KCNB2: variants seen among roughly 807,000 people sequenced by gnomAD.
KCNB2 encodes the protein delayed rectifier potassium channel protein.
Under a neutral mutation model 61.5 loss-of-function variants are expected in KCNB2, and 15 were observed. The observed-to-expected ratio is 0.24, with a 90% confidence interval of 0.16 to 0.38. KCNB2 has a LOEUF of 0.38. Among genes scored for constraint, KCNB2 ranks in the 10% least tolerant of loss-of-function variants. KCNB2 has a pLI of 1.00. For missense variants in KCNB2, 828 were observed against 1,125.2 expected, an observed-to-expected ratio of 0.74 and a Z score of 3.78; for synonymous variants, 457 against 446.0, an observed-to-expected ratio of 1.02 and a Z score of -0.31.
chr8:72,562,787 A>G (rs775719117), intron 1 of KCNB2, among the ~76,000 whole-genome samples: 2 of 152,232 alleles, frequency 1.3e-5, no homozygotes, highest in East Asian at 3.8e-4. Context: ...GTAAAAAATC[A>G]TTATGATAGA....
Position 72,937,074 on chromosome 8 carries a change from G to C in KCNB2, c.1719G>C (p.Glu573Asp). 1 of 1,614,174 alleles carries C rather than the reference G, an allele frequency of 6.2e-7. No individual in the cohort carries two copies. Among genetic ancestry groups the C allele is most frequent in the Non-Finnish European group, 8.5e-7 (1 of 1,180,028 alleles). The change falls in exon 3 of 3, where the codon GAG (glutamate) becomes GAC (aspartate). Residue 573 changes from glutamate (E) to aspartate (D), a missense_variant. Around this residue, in one of 4 missense-constraint regions of KCNB2, gnomAD observed 559 missense variants for 588.4 expected, o/e 0.95. Transcript: ENST00000523207. ...AGAGGCCATCTGCATATGAAGAAGA[G>C]ATTGAAATGGAAGAAGTGGTGTGTC... is the stretch of plus-strand genomic sequence containing the variant. ...KPERPSAYEE[E>D]IEMEEVVCPQ...
At chr8:72,566,297 G>A (rs1473704552) in intron 1 of KCNB2, among the ~76,000 whole-genome samples, 2 of 152,196 alleles carry the variant, frequency 1.3e-5, no homozygotes, top group African/African-American at 4.8e-5. Flanking sequence ...AAGCATGTGA[G>A]TGGCAAGGTC....
chr8:72,555,631 T>C (rs1405091005), intron 1 of KCNB2, among the ~76,000 whole-genome samples: 3 of 150,498 alleles, frequency 2.0e-5, no homozygotes, highest in Non-Finnish European at 3.0e-5. Flanking sequence ...CCCATAACAA[T>C]ATTAAAGAAG....
intron 2 of KCNB2, among the ~76,000 whole-genome samples, chr8:72,848,234 C>G (rs1231403758): frequency 6.6e-6 from 1 of 152,176 alleles, no homozygotes; most frequent in African/African-American, 2.4e-5. Flanking sequence ...CAAGATTTAT[C>G]TGTTTTCCAG....
At chr8:72,568,373 T>C (rs991253080) in intron 2 of KCNB2, 60 bp downstream of exon 2, 2 of 1,390,390 alleles carry the variant, frequency 1.4e-6, no homozygotes, top group South Asian at 1.4e-5. Context: ...ACCTACGTTC[T>C]AGAGAGTATA....
At chr8:72,701,838 T>C (rs1046606836) in intron 2 of KCNB2, among the ~76,000 whole-genome samples, 2 of 152,196 alleles carry the variant, frequency 1.3e-5, no homozygotes, top group African/African-American at 4.8e-5. Flanking sequence ...TAAAATTATA[T>C]GGACATATCA....
chr8:72,811,923 G>C (rs1206630312), intron 2 of KCNB2, among the ~76,000 whole-genome samples: 2 of 152,192 alleles, frequency 1.3e-5, no homozygotes, highest in African/African-American at 2.4e-5. Context: ...AAAAATTGTA[G>C]CATTAGCATG....
At chr8:72,548,374 G>T (rs1237691246) in intron 1 of KCNB2, among the ~76,000 whole-genome samples, 1 of 152,182 alleles carries the variant, frequency 6.6e-6, no homozygotes, top group East Asian at 1.9e-4. Context: ...GCATAACATG[G>T]AAGAAGTCCT....
In KCNB2 at chr8:72,570,252, A is replaced by C. The variant is rs144571124; in HGVS notation, c.579+1939A>C. 2.8e-3 allele frequency among the ~76,000 whole-genome samples: 430 copies of C among 152,270 alleles called. 2 individuals carry two copies. Among genetic ancestry groups the C allele is most frequent in the African/African-American group, 0.01 (417 of 41,582 alleles). ...CCTACAAACTCTACCCAGCAGCCAA[A>C]GACATTGGTTTTGGAAAATTTTATG... On this transcript the variant is annotated intron_variant, in intron 2 of 2. Coordinates refer to ENST00000523207, the MANE Select transcript of KCNB2 (RefSeq NM_004770.3).
chr8:72,570,530 C>T (rs1484126513), intron 2 of KCNB2, among the ~76,000 whole-genome samples: 2 of 151,402 alleles, frequency 1.3e-5, no homozygotes, highest in Non-Finnish European at 2.9e-5. Context: ...CTTATATAAA[C>T]CACTACCTTT....
intron 2 of KCNB2, among the ~76,000 whole-genome samples, chr8:72,575,395 A>G (rs1389330717): frequency 6.6e-6 from 1 of 152,136 alleles, no homozygotes; most frequent in Non-Finnish European, 1.5e-5. Context: ...CTGGGACTAA[A>G]CATGAGAAGA....
At chr8:72,802,435 T>C (rs1809148262) in intron 2 of KCNB2, among the ~76,000 whole-genome samples, 1 of 152,234 alleles carries the variant, frequency 6.6e-6, no homozygotes, top group Non-Finnish European at 1.5e-5. Flanking sequence ...CTCAAAAGTA[T>C]TGATGTTCTT....
Position 72,846,085 on chromosome 8 carries a change from G to A in KCNB2, c.580-89850G>A, listed in dbSNP as rs566776762. ...CAGGACCTTGGTGGTGTAGGCACCT[G>A]AGGGAATCTCCTGGTCTGCGGGTTG... On this transcript the variant is annotated intron_variant, in intron 2 of 2. Coordinates refer to ENST00000523207, the MANE Select transcript of KCNB2 (RefSeq NM_004770.3). Among the ~76,000 whole-genome samples, 106 of 152,198 alleles carry A rather than the reference G, an allele frequency of 7.0e-4. 1 individual carries two copies. The highest frequency in any genetic ancestry group is 2.2e-3 in the African/African-American group (92 of 41,520).
chr8:72,810,858 G>A (rs1370052615), intron 2 of KCNB2, among the ~76,000 whole-genome samples: 2 of 152,200 alleles, frequency 1.3e-5, no homozygotes, highest in Non-Finnish European at 1.5e-5. Flanking sequence ...TTTTGGGATG[G>A]ACATTCTTAT....
chr8:72,693,071 T>C (rs769478491), intron 2 of KCNB2, among the ~76,000 whole-genome samples: 6 of 152,218 alleles, frequency 3.9e-5, no homozygotes, highest in Non-Finnish European at 8.8e-5. Flanking sequence ...CATTAGCCTG[T>C]GACAGCTGTC....
intron 2 of KCNB2, among the ~76,000 whole-genome samples, chr8:72,929,514 T>A (rs1222806061): frequency 6.6e-6 from 1 of 152,240 alleles, no homozygotes; most frequent in Non-Finnish European, 1.5e-5. Context: ...GCAATATTTT[T>A]CAGTCTTCTC....
At chr8:72,686,366 G>T (rs1806853449) in intron 2 of KCNB2, among the ~76,000 whole-genome samples, 3 of 151,390 alleles carry the variant, frequency 2.0e-5, no homozygotes, top group East Asian at 1.9e-4. Flanking sequence ...ATTTTTTTTT[G>T]AAACAAGGTC....
intron 2 of KCNB2, among the ~76,000 whole-genome samples, chr8:72,843,086 T>C (rs1585925736): frequency 6.6e-6 from 1 of 152,314 alleles, no homozygotes; most frequent in East Asian, 1.9e-4. Flanking sequence ...GCTGTAAATT[T>C]CCCTCTAAAC....
At chr8:72,686,302 T>C (rs970850410) in intron 2 of KCNB2, among the ~76,000 whole-genome samples, 1 of 152,212 alleles carries the variant, frequency 6.6e-6, no homozygotes, top group Non-Finnish European at 1.5e-5. Context: ...ATTCGTCTTA[T>C]AGGCCTATTT....
Sources: allele counts gnomAD v4.1 joint callset (sites outside exome capture counted in the v4.1 genomes callset), GRCh38; gene constraint gnomAD v4.1.1; regional missense constraint gnomAD v4.1.1; transcripts MANE v1.5; gene names NCBI Gene and HGNC (gene_info 2026-07-23, HGNC 2026-07-21).